SHANK2: variants seen among roughly 807,000 people sequenced by gnomAD.
SHANK2 encodes the protein SH3 and multiple ankyrin repeat domains 2, also known as SH3 and multiple ankyrin repeat domains protein 2.
Under a neutral mutation model 133.7 loss-of-function variants are expected in SHANK2, and 43 were observed. The ratio of observed to expected loss-of-function variants is 0.32; its 90% CI spans 0.25 to 0.41. The LOEUF is 0.41. Ranked by LOEUF, SHANK2 falls within the 10% of genes least tolerant of loss-of-function variation. SHANK2 has a pLI of 1.00. For synonymous variants in SHANK2, 1,017 were observed against 952.8 expected (o/e 1.07, Z -1.24); for missense variants, 1,994 against 2,235.8 (o/e 0.89, Z 2.18).
intron 17 of SHANK2, among the ~76,000 whole-genome samples, chr11:70,521,510 ACTCT>A (rs1344943961): frequency 2.0e-5 from 3 of 152,122 alleles, no homozygotes; most frequent in Non-Finnish European, 2.9e-5. Flanking sequence ...TGAACCTGCT[ACTCT>A]CTCTCTTCTA....
chr11:71,114,407 A>T (rs1200626948), intron 4 of SHANK2, among the ~76,000 whole-genome samples: 1 of 152,168 alleles, frequency 6.6e-6, no homozygotes, highest in Non-Finnish European at 1.5e-5. Context: ...CTGAAACTGA[A>T]AGTCGCATCT....
At chr11:71,250,607 T>G (rs1343943524) in intron 1 of SHANK2, among the ~76,000 whole-genome samples, 3 of 152,170 alleles carry the variant, frequency 2.0e-5, no homozygotes, top group Non-Finnish European at 4.4e-5. Context: ...ACCCTCAACC[T>G]TGTTTCCAAC....
chr11:70,705,928 A>T (rs971742066), intron 14 of SHANK2: 3 of 152,276 alleles, frequency 2.0e-5, no homozygotes, highest in African/African-American at 7.2e-5. Context: ...ATGAGCTTTT[A>T]AAAAATGTAA....
At chr11:71,098,981 G>A (rs1951673852) in intron 6 of SHANK2, among the ~76,000 whole-genome samples, 1 of 152,160 alleles carries the variant, frequency 6.6e-6, no homozygotes, top group Admixed American at 6.5e-5. Context: ...CATCGCCCAA[G>A]ATGAGCCACA....
intron 17 of SHANK2, among the ~76,000 whole-genome samples, chr11:70,576,561 C>T (rs1008919061): frequency 6.6e-6 from 1 of 152,190 alleles, no homozygotes; most frequent in Admixed American, 6.5e-5. Flanking sequence ...GGCATGAACC[C>T]GGGAGGCGGA....
chr11:70,862,231 T>C (rs976597347), intron 11 of SHANK2, among the ~76,000 whole-genome samples: 44 of 152,304 alleles, frequency 2.9e-4, no homozygotes, highest in African/African-American at 1.0e-3. Flanking sequence ...TCCAGATTCC[T>C]GCTGCAAACC....
At chr11:70,729,900 TA>T (rs549153711) in intron 14 of SHANK2, among the ~76,000 whole-genome samples, 7,200 of 108,308 alleles carry the variant, frequency 0.066, 214 homozygotes, top group African/African-American at 0.1. Context: ...AAAGTGTTAC[TA>T]AAAAAAAAAA....
intron 3 of SHANK2, among the ~76,000 whole-genome samples, chr11:71,138,206 G>A (rs1431805555): frequency 1.3e-5 from 2 of 151,140 alleles, no homozygotes; most frequent in East Asian, 2.0e-4. Flanking sequence ...AGCTTCTAAC[G>A]GTAACTAACC....
intron 17 of SHANK2, among the ~76,000 whole-genome samples, chr11:70,515,637 G>GAAAAAAAAA (rs58440823): frequency 1.1e-4 from 9 of 79,958 alleles, no homozygotes; most frequent in African/African-American, 3.8e-4. Context: ...CTCGTTCCTT[G>GAAAAAAAAA]AAAAAAAAAA....
chr11:71,170,331 C>A (rs1411921511), intron 2 of SHANK2, among the ~76,000 whole-genome samples: 1 of 152,170 alleles, frequency 6.6e-6, no homozygotes, highest in Non-Finnish European at 1.5e-5. Flanking sequence ...AACAGACTAG[C>A]AGGACAAATA....
In SHANK2 at chr11:70,830,976, A is replaced by G. The variant is rs1037389656; in HGVS notation, c.1175-10294T>C. On this transcript the variant is annotated intron_variant, in intron 11 of 25. Coordinates refer to ENST00000601538, the MANE Select transcript of SHANK2 (RefSeq NM_012309.5). This position sits in a 1 kb window ranked among gnomAD's most constrained non-coding sequence, Gnocchi z 4.4. ...TATAGGGGTCCTGCGTGGAGGGCCT[A>G]CAACGACCCTGGAGGCTTGTGCCGG... is the stretch of plus-strand genomic sequence containing the variant. Among the ~76,000 whole-genome samples the G allele has an allele frequency of 1.3e-5, 2 of 152,194 alleles. No individual in the cohort carries two copies. The highest frequency in any genetic ancestry group is 2.9e-5 in the Non-Finnish European group (2 of 68,032).
chr11:70,502,760 G>T, intron 18 of SHANK2, 36 bp downstream of exon 18: 1 of 1,065,254 alleles, frequency 9.4e-7, no homozygotes, highest in Non-Finnish European at 1.3e-6. Flanking sequence ...CCCCAGTAGG[G>T]CCCCAGGCTG....
chr11:71,136,749 G>A, intron 3 of SHANK2, among the ~76,000 whole-genome samples: 1 of 152,240 alleles, frequency 6.6e-6, no homozygotes, highest in East Asian at 1.9e-4. Flanking sequence ...GTCAGGGGCT[G>A]GAAGTGGGGG....
intron 14 of SHANK2, among the ~76,000 whole-genome samples, chr11:70,755,750 C>T (rs1289775304): frequency 1.1e-4 from 16 of 152,334 alleles, no homozygotes; most frequent in Middle Eastern, 3.4e-3. Flanking sequence ...TCCTACCAGG[C>T]GAGCGACAGG....
At chr11:70,540,299 G>A (rs1456118031) in intron 17 of SHANK2, among the ~76,000 whole-genome samples, 1 of 152,174 alleles carries the variant, frequency 6.6e-6, no homozygotes, top group Non-Finnish European at 1.5e-5. Context: ...CTGCAAGAAG[G>A]AGAACAGAAC....
intron 2 of SHANK2, among the ~76,000 whole-genome samples, chr11:71,180,761 G>C (rs1398433693): frequency 2.0e-5 from 3 of 152,060 alleles, no homozygotes; most frequent in Non-Finnish European, 4.4e-5. Context: ...CTTTTAGGAA[G>C]TGCTGAAGCT....
intron 20 of SHANK2, among the ~76,000 whole-genome samples, chr11:70,501,402 C>A (rs782162221): frequency 6.6e-5 from 10 of 152,236 alleles, no homozygotes; most frequent in Non-Finnish European, 1.2e-4. Flanking sequence ...GCTCTCAACC[C>A]CCCAGGCCAG....
chr11:71,110,402 C>A (rs911672923), intron 5 of SHANK2, among the ~76,000 whole-genome samples: 1 of 152,186 alleles, frequency 6.6e-6, no homozygotes, highest in African/African-American at 2.4e-5. Context: ...CGCGCCACTG[C>A]ACTCCAGCCT....
chr11:71,246,820 T>C (rs1954967378), intron 1 of SHANK2, among the ~76,000 whole-genome samples: 1 of 152,090 alleles, frequency 6.6e-6, no homozygotes, highest in African/African-American at 2.4e-5. Context: ...AGGGCTTCAA[T>C]TAAAACACCA....
Sources: allele counts gnomAD v4.1 joint callset (sites outside exome capture counted in the v4.1 genomes callset), GRCh38; gene constraint gnomAD v4.1.1; non-coding constraint Gnocchi (gnomAD v3.1); transcripts MANE v1.5; gene names NCBI Gene and HGNC (gene_info 2026-07-23, HGNC 2026-07-21).